The following TCF12 variants were observed in gnomAD, a reference collection of about 807,000 sequenced individuals.
TCF12 encodes the protein transcription factor 12.
TCF12 carries 45 observed loss-of-function variants against 86.0 expected under a neutral mutation model. The observed-to-expected ratio is 0.52, with a 90% CI of 0.41 to 0.67. TCF12 has a LOEUF of 0.67. TCF12 is among the 30% of genes least tolerant of loss of function. The probability of loss-of-function intolerance (pLI) is 0.00; values close to 1 mark genes in which losing one functional copy is unlikely to be tolerated. For missense variants in TCF12, 881 were observed against 859.9 expected (o/e 1.02, Z -0.31); for synonymous variants, 330 against 299.6 (o/e 1.10, Z -1.05).
intron 3 of TCF12, among the ~76,000 whole-genome samples, chr15:57,041,232 C>T (rs1198442935): frequency 6.6e-6 from 1 of 152,150 alleles, no homozygotes; most frequent in Non-Finnish European, 1.5e-5. Context: ...GGCAGTCAAA[C>T]AAATTTAGCT....
intron 3 of TCF12, among the ~76,000 whole-genome samples, chr15:57,041,018 A>G (rs190356143): frequency 6.6e-6 from 1 of 152,354 alleles, no homozygotes; most frequent in East Asian, 1.9e-4. Flanking sequence ...ATGTGAATCT[A>G]TGATGAGGCT....
intron 5 of TCF12, among the ~76,000 whole-genome samples, chr15:57,158,601 T>C (rs1368058276): frequency 6.6e-6 from 1 of 152,204 alleles, no homozygotes; most frequent in Non-Finnish European, 1.5e-5. Context: ...GGGAAGCTGC[T>C]TACAGTTCTG....
chr15:57,096,155 G>T (rs966013572), intron 5 of TCF12, among the ~76,000 whole-genome samples: 2 of 152,098 alleles, frequency 1.3e-5, no homozygotes, highest in African/African-American at 2.4e-5. Flanking sequence ...GATGACCGTG[G>T]AAAAACGGTT....
In TCF12 at chr15:57,105,269, G is replaced by T. The variant is rs541326965; in HGVS notation, c.325+13378G>T. On this transcript the variant is annotated intron_variant, in intron 5 of 20. Coordinates refer to ENST00000333725, the MANE Select transcript of TCF12 (RefSeq NM_207037.2). ...CTTTTATATGAATAACCTTAATAGA[G>T]AATGCCTTGTATCGCCATCTCTTAA... Among the ~76,000 whole-genome samples the T allele has an allele frequency of 1.8e-3, 276 of 152,278 alleles. 1 individual carries two copies. Among genetic ancestry groups the T allele is most frequent in the African/African-American group, 6.5e-3 (268 of 41,542 alleles).
chr15:57,094,422 G>T (rs2049182578), intron 5 of TCF12, among the ~76,000 whole-genome samples: 1 of 152,164 alleles, frequency 6.6e-6, no homozygotes, highest in Non-Finnish European at 1.5e-5. Context: ...TTTTGGAAAT[G>T]AATGCCTCTT....
chr15:56,999,995 C>G (rs1344631513), intron 3 of TCF12, among the ~76,000 whole-genome samples: 1 of 152,180 alleles, frequency 6.6e-6, no homozygotes, highest in Admixed American at 6.5e-5. Context: ...GCCACTGTGC[C>G]TGGCCTAAAT....
chr15:57,126,017 G>C (rs2051621201), intron 5 of TCF12, among the ~76,000 whole-genome samples: 1 of 152,132 alleles, frequency 6.6e-6, no homozygotes, highest in African/African-American at 2.4e-5. Flanking sequence ...GATTGCATGG[G>C]CTCAGGAGTT....
chr15:57,173,827 C>T (rs1363439154), intron 6 of TCF12, among the ~76,000 whole-genome samples: 1 of 151,834 alleles, frequency 6.6e-6, no homozygotes, highest in African/African-American at 2.4e-5. Context: ...CCTGCCTTAG[C>T]CTCCTGAGTA....
At chr15:57,120,431 A>G (rs1382642986) in intron 5 of TCF12, among the ~76,000 whole-genome samples, 4 of 152,190 alleles carry the variant, frequency 2.6e-5, no homozygotes, top group Admixed American at 2.0e-4. Flanking sequence ...CAAGTGCTCA[A>G]TAATTGTTTG....
intron 6 of TCF12, among the ~76,000 whole-genome samples, chr15:57,183,438 C>T (rs1232759218): frequency 6.6e-6 from 1 of 152,140 alleles, no homozygotes; most frequent in African/African-American, 2.4e-5. Flanking sequence ...GATTTAGCAT[C>T]TGTCAATCCT....
intron 5 of TCF12, among the ~76,000 whole-genome samples, chr15:57,133,824 T>C (rs1300279222): frequency 2.0e-5 from 3 of 152,206 alleles, no homozygotes; most frequent in Non-Finnish European, 4.4e-5. Context: ...TTATGTGCTT[T>C]TCTCTTTTTA....
chr15:56,926,127 C>T (rs765631468), intron 3 of TCF12, among the ~76,000 whole-genome samples: 7 of 152,022 alleles, frequency 4.6e-5, no homozygotes, highest in Non-Finnish European at 2.9e-5. Context: ...GCCTGGCCAA[C>T]GTAGCAAAAC....
chr15:57,248,651 T>C (rs551092861), intron 13 of TCF12, among the ~76,000 whole-genome samples: 4 of 152,374 alleles, frequency 2.6e-5, no homozygotes, highest in Non-Finnish European at 5.9e-5. Context: ...TTGCCTGGTG[T>C]TAAGTCAGTT....
chr15:57,214,238 A>G (rs1367645732), intron 8 of TCF12: 1 of 152,202 alleles, frequency 6.6e-6, no homozygotes, highest in African/African-American at 2.4e-5. Flanking sequence ...CAGATTTTAC[A>G]TATTCTCAGT....
At chr15:57,181,669 T>G (rs1327476125) in intron 6 of TCF12, among the ~76,000 whole-genome samples, 3 of 152,222 alleles carry the variant, frequency 2.0e-5, no homozygotes, top group South Asian at 2.1e-4. Flanking sequence ...AAGCTGTTTC[T>G]TACAGATGAA....
chr15:57,164,144 A>G (rs2054693578), intron 5 of TCF12, among the ~76,000 whole-genome samples: 2 of 152,178 alleles, frequency 1.3e-5, no homozygotes, highest in Admixed American at 1.3e-4. Context: ...AAATTCATTT[A>G]GTATATTGAA....
At chr15:57,117,798 A>G (rs1372278183) in intron 5 of TCF12, among the ~76,000 whole-genome samples, 1 of 152,222 alleles carries the variant, frequency 6.6e-6, no homozygotes, top group Non-Finnish European at 1.5e-5. Context: ...TGAAACTATT[A>G]TTAAAATACT....
chr15:57,209,627 G>A (rs2058020436), intron 8 of TCF12, among the ~76,000 whole-genome samples: 1 of 152,074 alleles, frequency 6.6e-6, no homozygotes, highest in Non-Finnish European at 1.5e-5. Flanking sequence ...CTTAAATTAT[G>A]GCAACAGCTT....
intron 5 of TCF12, among the ~76,000 whole-genome samples, chr15:57,100,193 G>C (rs1374407708): frequency 6.6e-6 from 1 of 152,168 alleles, no homozygotes; most frequent in Admixed American, 6.5e-5. Context: ...AGTTCTGCCT[G>C]TAGGGAGGTG....
Sources: gnomAD v4.1 joint callset for allele counts (sites outside exome capture counted in the v4.1 genomes callset) on GRCh38, gnomAD v4.1.1 for gene constraint, MANE v1.5 for transcripts, NCBI Gene and HGNC (gene_info 2026-07-23, HGNC 2026-07-21) for gene names.